The following PRKG1 variants were observed in gnomAD, a reference collection of about 807,000 sequenced individuals.
The protein encoded by PRKG1 is cGMP-dependent protein kinase 1.
In PRKG1, 35 loss-of-function variants were observed where a neutral mutation model predicts 88.1. That is an observed-to-expected ratio of 0.40 (90% confidence interval 0.30 to 0.53). PRKG1 has a LOEUF of 0.53. Among genes scored for constraint, PRKG1 ranks in the 20% least tolerant of loss-of-function variants. The pLI, the probability that PRKG1 is intolerant of heterozygous loss-of-function variation, is 0.59. For synonymous variants in PRKG1, 303 were observed against 292.5 expected, an observed-to-expected ratio of 1.04 and a Z score of -0.37; for missense variants, 540 against 839.8, an observed-to-expected ratio of 0.64 and a Z score of 4.41.
intron 9 of PRKG1, among the ~76,000 whole-genome samples, chr10:52,218,216 A>C: frequency 6.6e-6 from 1 of 151,294 alleles, no homozygotes; most frequent in East Asian, 1.9e-4. Flanking sequence ...ATCTCAAAAA[A>C]AAAAAAAAAA....
At chr10:51,941,919 T>C (rs1389446812) in intron 5 of PRKG1, among the ~76,000 whole-genome samples, 1 of 151,898 alleles carries the variant, frequency 6.6e-6, no homozygotes, top group African/African-American at 2.4e-5. Flanking sequence ...AACATATGTG[T>C]GCATGTCTTT....
chr10:51,930,995 T>C (rs2133003848), intron 5 of PRKG1, among the ~76,000 whole-genome samples: 1 of 152,302 alleles, frequency 6.6e-6, no homozygotes. Context: ...GTCCTCAGCA[T>C]TGGTGACTCT....
At chr10:51,518,369 C>T (rs890882315) in intron 3 of PRKG1, among the ~76,000 whole-genome samples, 1 of 152,118 alleles carries the variant, frequency 6.6e-6, no homozygotes, top group Non-Finnish European at 1.5e-5. Context: ...GTCTTTAGCC[C>T]CAATTTTCTG....
At chr10:51,979,724 G>T (rs941387109) in intron 5 of PRKG1, among the ~76,000 whole-genome samples, 1 of 150,672 alleles carries the variant, frequency 6.6e-6, no homozygotes, top group African/African-American at 2.4e-5. Flanking sequence ...AGTCTTGGGA[G>T]GATGTATATA....
At chr10:51,785,514 G>T (rs1034091700) in intron 3 of PRKG1, among the ~76,000 whole-genome samples, 1 of 152,066 alleles carries the variant, frequency 6.6e-6, no homozygotes, top group Non-Finnish European at 1.5e-5. Flanking sequence ...AACGCAACTT[G>T]TAACAACTTA....
At position 52,107,389 on chromosome 10, in the gene PRKG1, A is replaced by G. The variant is rs188933312; in HGVS notation, c.936-26451A>G. On this transcript the variant is annotated intron_variant, in intron 7 of 17. Transcript: ENST00000373980. ...ACAGTCAAGAAACTAAATGTATAATAAAATCTAAATTATTAATTTAAATAT... is the reference window on the plus strand; with the variant it reads ...ACAGTCAAGAAACTAAATGTATAATGAAATCTAAATTATTAATTTAAATAT... Among the ~76,000 whole-genome samples the G allele has an allele frequency of 1.8e-4, 27 of 152,286 alleles. No individual in the cohort carries two copies. The East Asian group carries it at 5.2e-3, about 29-fold the overall frequency.
At chr10:52,075,835 C>T (rs1846614592) in intron 7 of PRKG1, among the ~76,000 whole-genome samples, 1 of 152,142 alleles carries the variant, frequency 6.6e-6, no homozygotes, top group African/African-American at 2.4e-5. Flanking sequence ...GAAAAACCAC[C>T]TGCTCTCTGG....
chr10:51,914,616 C>T (rs1034487237), intron 5 of PRKG1, among the ~76,000 whole-genome samples: 1 of 152,182 alleles, frequency 6.6e-6, no homozygotes, highest in Non-Finnish European at 1.5e-5. Context: ...AAGTCAATTT[C>T]ATGTCCAATT....
intron 2 of PRKG1, among the ~76,000 whole-genome samples, chr10:51,369,182 A>G (rs1389217277): frequency 6.6e-6 from 1 of 152,130 alleles, no homozygotes; most frequent in African/African-American, 2.4e-5. Flanking sequence ...CTGTTTCTGA[A>G]TGGAGTGTCT....
chr10:51,258,820 T>C (rs1156833040), intron 2 of PRKG1, among the ~76,000 whole-genome samples: 1 of 152,232 alleles, frequency 6.6e-6, no homozygotes, highest in Non-Finnish European at 1.5e-5. Context: ...ATCAGTGCAT[T>C]ACTCCATGAA....
chr10:51,998,530 G>A (rs754304121), intron 5 of PRKG1, among the ~76,000 whole-genome samples: 4 of 152,102 alleles, frequency 2.6e-5, no homozygotes, highest in East Asian at 1.9e-4. Context: ...ACTGTATTTA[G>A]TTGTTTCCAA....
At chr10:51,110,022 A>G (rs1844945713) in intron 1 of PRKG1, among the ~76,000 whole-genome samples, 1 of 152,158 alleles carries the variant, frequency 6.6e-6, no homozygotes, top group African/African-American at 2.4e-5. Context: ...CATAATGTGA[A>G]TCATTAGAAT....
At chr10:51,855,482 T>C (rs1006580435) in intron 4 of PRKG1, among the ~76,000 whole-genome samples, 4 of 152,202 alleles carry the variant, frequency 2.6e-5, no homozygotes, top group Non-Finnish European at 5.9e-5. Flanking sequence ...ATGTGAACTG[T>C]GGCTACTGTG....
intron 9 of PRKG1, among the ~76,000 whole-genome samples, chr10:52,232,090 G>A (rs898650423): frequency 3.9e-5 from 6 of 152,120 alleles, no homozygotes; most frequent in African/African-American, 1.2e-4. Flanking sequence ...ATCACCTGAG[G>A]TTGGGAGTTC....
intron 7 of PRKG1, among the ~76,000 whole-genome samples, chr10:52,106,216 G>A (rs986547990): frequency 1.3e-5 from 2 of 152,148 alleles, no homozygotes; most frequent in Non-Finnish European, 2.9e-5. Context: ...CAGGTGTCCA[G>A]CACTGAATTG....
chr10:51,718,395 G>A (rs1841935666), intron 3 of PRKG1, among the ~76,000 whole-genome samples: 1 of 152,168 alleles, frequency 6.6e-6, no homozygotes, highest in Admixed American at 6.5e-5. Flanking sequence ...GGCCGGGGAA[G>A]GCGAGAGTAG....
intron 1 of PRKG1, among the ~76,000 whole-genome samples, chr10:51,138,083 T>C (rs1319571812): frequency 6.6e-6 from 1 of 152,206 alleles, no homozygotes; most frequent in Non-Finnish European, 1.5e-5. Context: ...TTACTCCTCA[T>C]TATGTTTTCA....
intron 3 of PRKG1, among the ~76,000 whole-genome samples, chr10:51,581,957 T>G (rs1451056328): frequency 6.6e-6 from 1 of 152,070 alleles, no homozygotes; most frequent in Non-Finnish European, 1.5e-5. Flanking sequence ...GGGCTGGTCC[T>G]GCCTTTTAAA....
intron 4 of PRKG1, among the ~76,000 whole-genome samples, chr10:51,848,633 CTGTGTGTGTGTGTGTG>C (rs35222566): frequency 1.4e-5 from 2 of 145,100 alleles, no homozygotes; most frequent in African/African-American, 5.0e-5. Flanking sequence ...GTGTCTGTAT[CTGTGTGTGTGTGTGTG>C]TGTGTGTGTG....
Sources: allele counts gnomAD v4.1 joint callset (sites outside exome capture counted in the v4.1 genomes callset), GRCh38; gene constraint gnomAD v4.1.1; transcripts MANE v1.5; gene names NCBI Gene and HGNC (gene_info 2026-07-23, HGNC 2026-07-21).